The following RABGGTA variants were observed in gnomAD, a reference collection of about 807,000 sequenced individuals.
RABGGTA encodes Rab geranylgeranyltransferase subunit alpha, also known as geranylgeranyl transferase type-2 subunit alpha.
RABGGTA carries 69 observed loss-of-function variants against 83.3 expected under a neutral mutation model. That is an observed-to-expected ratio of 0.83 (90% CI 0.68 to 1.01). The LOEUF (loss-of-function observed/expected upper bound fraction) is 1.01, where lower values mean the gene tolerates loss of function less well. RABGGTA is among the 50% of genes least tolerant of loss of function. The probability of loss-of-function intolerance (pLI) is 0.00; values close to 1 mark genes in which losing one functional copy is unlikely to be tolerated. For synonymous variants in RABGGTA, 310 were observed against 299.8 expected, an observed-to-expected ratio of 1.03 and a Z score of -0.35; for missense variants, 681 against 712.7, an observed-to-expected ratio of 0.96 and a Z score of 0.51.
Position 24,265,551 on chromosome 14 carries a change from A to C in RABGGTA, c.*64T>G. 3.8e-6 allele frequency: 6 copies of C among 1,560,864 alleles called. No homozygotes were observed. The highest frequency in any genetic ancestry group is 5.2e-6 in the Non-Finnish European group (6 of 1,150,210). On this transcript the variant is annotated 3_prime_UTR_variant, in exon 17 of 17. Transcript: ENST00000216840. ...AGCGACAACAGCTTGGTAGCCTGAG[A>C]GGGCCTCTCCATTCTTTATTCAGTC...
At chr14:24,266,282 C>G in intron 16 of RABGGTA, 148 bp downstream of exon 16, 1 of 717,646 alleles carries the variant, frequency 1.4e-6, no homozygotes. Context: ...CCCGACAGCC[C>G]CAGGCTCTCC....
In RABGGTA at chr14:24,271,136, G is replaced by C. The variant is rs1160260731; in HGVS notation, c.-21C>G. On this transcript the variant is annotated 5_prime_UTR_variant, in exon 2 of 17. Coordinates refer to ENST00000216840, the MANE Select transcript of RABGGTA (RefSeq NM_182836.3). ...ACCATGGTGCCGGCTCAGGGTTCAA[G>C]ACAGGGGAAGGGTCCAGTGGTAGCC... is the stretch of plus-strand genomic sequence containing the variant. 6.5e-7 allele frequency: 1 copy of C among 1,536,932 alleles called. No homozygotes were observed.
chr14:24,267,559 A>G, intron 14 of RABGGTA, 101 bp downstream of exon 14: 1 of 867,936 alleles, frequency 1.2e-6, no homozygotes, highest in South Asian at 1.7e-5. Flanking sequence ...CTCTATCTTG[A>G]TTGGAAGTCC....
chr14:24,269,702 G>A lies in RABGGTA; in HGVS notation c.428-8C>T. 1 of 1,613,470 alleles carries A rather than the reference G, an allele frequency of 6.2e-7. No individual in the cohort carries two copies. The highest frequency in any genetic ancestry group is 8.5e-7 in the Non-Finnish European group (1 of 1,179,490). Reference sequence around the variant, plus strand: ...GATAGTCCCAGCAGTGAACTGGAGGGGAGAGGTGACAGCATATCTTAGAGG... The same window carrying A: ...GATAGTCCCAGCAGTGAACTGGAGGAGAGAGGTGACAGCATATCTTAGAGG... On this transcript the variant is annotated splice_region_variant and splice_polypyrimidine_tract_variant and intron_variant, in intron 5 of 16. Transcript: ENST00000216840.
Position 24,265,747 on chromosome 14 carries a change from T to G in RABGGTA, c.1572A>C (p.Ala524=). ...GGCAGGAGGCAAGAGGCTGGAGCACTGCAGGCTGCTGGAGGCCTTGTTCAG... is the reference window on the plus strand; with the variant it reads ...GGCAGGAGGCAAGAGGCTGGAGCACGGCAGGCTGCTGGAGGCCTTGTTCAG... ...LLCNNRLQQP[A]VLQPLASCPR... is the part of the protein sequence containing the mutation. Residue 524 remains alanine, a synonymous_variant, in exon 17 of 17, where the codon GCA becomes GCC. Transcript: ENST00000216840. The G allele has an allele frequency of 6.2e-7, 1 of 1,609,444 alleles. No homozygotes were observed. The highest frequency in any genetic ancestry group is 8.5e-7 in the Non-Finnish European group (1 of 1,178,110).
At chr14:24,266,399 C>G in intron 16 of RABGGTA, 31 bp downstream of exon 16, 6 of 1,607,376 alleles carry the variant, frequency 3.7e-6, no homozygotes, top group Non-Finnish European at 5.1e-6. Context: ...ACTTTACCCA[C>G]TGTCTGAAAG....
In RABGGTA at chr14:24,268,303, T is replaced by C. The variant is rs2040899358; in HGVS notation, c.1058+66A>G. 4 of 1,609,530 alleles carry C rather than the reference T, an allele frequency of 2.5e-6. No homozygotes were observed. In the African/African-American group the frequency reaches 4.0e-5, roughly 16 times the overall value. On this transcript the variant is annotated intron_variant, in intron 11 of 16. Coordinates refer to ENST00000216840, the MANE Select transcript of RABGGTA (RefSeq NM_182836.3). ...ACAGCTCCTTGAGGCCCCAGCCTCC[T>C]GCCCTGGCTGCCTGATGCCCAGAGT...
At chr14:24,269,769 C>A in intron 5 of RABGGTA, 75 bp from the exon 6 acceptor site, 1 of 1,511,834 alleles carries the variant, frequency 6.6e-7, no homozygotes, top group Non-Finnish European at 9.0e-7. Flanking sequence ...CTAGAGTCCC[C>A]TCAGGAACCC....
chr14:24,270,400 G>A lies in RABGGTA; in HGVS notation c.173C>T (p.Ala58Val). ...CCAGAGGGTGGCAAAATCAGGGTTG[G>A]CTCCCAGAATCTGGCTTGTCAGTTC... The part of the protein sequence containing the change: ...VLELTSQILG[A>V]NPDFATLWNC... The change falls in exon 4 of 17, where the codon GCC (alanine) becomes GTC (valine). Residue 58 changes from alanine (A) to valine (V), a missense_variant. Around this residue, in one of 5 missense-constraint regions of RABGGTA, gnomAD observed 115 missense variants for 111.5 expected, o/e 1.03. Coordinates refer to ENST00000216840, the MANE Select transcript of RABGGTA (RefSeq NM_182836.3). 6.2e-7 allele frequency: 1 copy of A among 1,614,012 alleles called. No individual in the cohort carries two copies. Among genetic ancestry groups the A allele is most frequent in the Non-Finnish European group, 8.5e-7 (1 of 1,179,888 alleles).
At position 24,266,458 on chromosome 14, in the gene RABGGTA, C is replaced by G. The variant is rs1441200884; in HGVS notation, c.1527G>C (p.Arg509=). 1 of 1,613,896 alleles carries G rather than the reference C, an allele frequency of 6.2e-7. No homozygotes were observed. The highest frequency in any genetic ancestry group is 1.3e-5 in the African/African-American group (1 of 74,922). The part of the protein sequence containing the change: ...ESLDGVTNLP[R]LQELLLCNNR... ...TGTTGCACAGTAGCAGCTCCTGCAG[C>G]CGGGGTAGGTTGGTGACGCCGTCCA... The change falls in exon 16 of 17, where the codon CGG becomes CGC. Residue 509 remains arginine (R), a synonymous_variant. Transcript: ENST00000216840.
intron 14 of RABGGTA, among the ~76,000 whole-genome samples, chr14:24,267,180 C>T (rs2040884751): frequency 6.6e-6 from 1 of 152,056 alleles, no homozygotes; most frequent in African/African-American, 2.4e-5. Context: ...AAAGACTGGT[C>T]CCCCATGGGG....
Position 24,268,601 on chromosome 14 carries a change from C to T in RABGGTA, c.919G>A (p.Ala307Thr). Residue 307 changes from alanine to threonine, a missense_variant, in exon 10 of 17, where the codon GCC (alanine) becomes ACC (threonine). Ala to Thr is a moderately conservative substitution (Grantham distance 58). Transcript: ENST00000216840. ...TGGGGCAACTGGTCGTTGAGGGAGGCAGCAGGCAGGTCACAGAGCTGGGAG... is the reference window on the plus strand; with the variant it reads ...TGGGGCAACTGGTCGTTGAGGGAGGTAGCAGGCAGGTCACAGAGCTGGGAG... ...SHVWLCDLPA[A>T]SLNDQLPQHT... The T allele has an allele frequency of 6.2e-7, 1 of 1,613,962 alleles. No homozygotes were observed. The highest frequency in any genetic ancestry group is 8.5e-7 in the Non-Finnish European group (1 of 1,179,868).
In RABGGTA at chr14:24,271,154, T is replaced by C; in HGVS notation, c.-39A>G. 2 of 1,518,150 alleles carry C rather than the reference T, an allele frequency of 1.3e-6. No homozygotes were observed. The highest frequency in any genetic ancestry group is 1.8e-6 in the Non-Finnish European group (2 of 1,134,396). The allele number at this position is 1,518,150 out of a possible 1,614,324, so 94.0% of individuals were successfully genotyped here. A position where few individuals can be genotyped will look rare whatever the true frequency, so the allele number is the denominator to read the frequency against. ...GGTTCAAGACAGGGGAAGGGTCCAG[T>C]GGTAGCCCTTGAAGTCTGAGGAGAG... is the stretch of plus-strand genomic sequence containing the variant. On this transcript the variant is annotated 5_prime_UTR_variant, in exon 2 of 17. Coordinates refer to ENST00000216840, the MANE Select transcript of RABGGTA (RefSeq NM_182836.3).
At position 24,267,850 on chromosome 14, in the gene RABGGTA, G is replaced by A; in HGVS notation, c.1236+20C>T. The A allele has an allele frequency of 6.2e-7, 1 of 1,612,742 alleles. No individual in the cohort carries two copies. The highest frequency in any genetic ancestry group is 8.5e-7 in the Non-Finnish European group (1 of 1,179,100). Reference sequence around the variant, plus strand: ...TGCCTGCTGGGCCTCCCCCTGGTCTGTTCTGCAGACAGAACTTGCCTTGAG... The same window carrying A: ...TGCCTGCTGGGCCTCCCCCTGGTCTATTCTGCAGACAGAACTTGCCTTGAG... On this transcript the variant is annotated intron_variant, in intron 13 of 16. Transcript: ENST00000216840.
At position 24,266,849 on chromosome 14, in the gene RABGGTA, A is replaced by T; in HGVS notation, c.1394T>A (p.Val465Asp). Residue 465 changes from valine to aspartate, a missense_variant, in exon 15 of 17, where the codon GTC (valine) becomes GAC (aspartate). Physicochemically the swap from Val to Asp is radical, Grantham distance 152. Coordinates refer to ENST00000216840, the MANE Select transcript of RABGGTA (RefSeq NM_182836.3). ...ATTGTGTGACAAGTCAAGATGGGTGACCAAGAGCAGCTGTTCCAGATGGCA... is the reference window on the plus strand; with the variant it reads ...ATTGTGTGACAAGTCAAGATGGGTGTCCAAGAGCAGCTGTTCCAGATGGCA... ...VLCHLEQLLL[V>D]THLDLSHNRL... 6.2e-7 allele frequency: 1 copy of T among 1,613,920 alleles called. No homozygotes were observed. The highest frequency in any genetic ancestry group is 8.5e-7 in the Non-Finnish European group (1 of 1,179,848).
Position 24,268,436 on chromosome 14 carries a change from G to A in RABGGTA, c.1007-16C>T, listed in dbSNP as rs1457149451. 4 of 1,613,824 alleles carry A rather than the reference G, an allele frequency of 2.5e-6. No individual in the cohort carries two copies. Among genetic ancestry groups the A allele is most frequent in the Non-Finnish European group, 2.5e-6 (3 of 1,179,902 alleles). ...TCCTGGCGGCCTGGGGAAAGAGTAG[G>A]TGGTTGGAGGGTGCACCCTTGAGAG... On this transcript the variant is annotated splice_polypyrimidine_tract_variant and intron_variant, in intron 10 of 16. Transcript: ENST00000216840.
chr14:24,269,371 G>A, intron 6 of RABGGTA, 120 bp downstream of exon 6: 1 of 1,257,410 alleles, frequency 8.0e-7, no homozygotes, highest in Non-Finnish European at 1.1e-6. Flanking sequence ...AGCACCCCTG[G>A]AGCCACGCAT....
Position 24,269,078 on chromosome 14 carries a change from A to T in RABGGTA, c.715+2T>A. ...CACCCAGCCCCTTTCCTCATTGCTC[A>T]CCTCGGCCTAGGAGCCAACGGTGAT... On this transcript the variant is annotated splice_donor_variant, in intron 7 of 16. Transcript: ENST00000216840. LOFTEE classifies it high-confidence loss of function. 6.2e-7 allele frequency: 1 copy of T among 1,605,522 alleles called. No homozygotes were observed. The highest frequency in any genetic ancestry group is 8.5e-7 in the Non-Finnish European group (1 of 1,175,864).
Position 24,265,783 on chromosome 14 carries a change from G to T in RABGGTA, c.1556-20C>A. ...GGAGGCCTTGTTCAGGAGAGTCAAGGAAAGCTTGGCAGGTTCCTCCCAATT... is the reference window on the plus strand; with the variant it reads ...GGAGGCCTTGTTCAGGAGAGTCAAGTAAAGCTTGGCAGGTTCCTCCCAATT... On this transcript the variant is annotated intron_variant, in intron 16 of 16. Coordinates refer to ENST00000216840, the MANE Select transcript of RABGGTA (RefSeq NM_182836.3). 2 of 1,589,716 alleles carry T rather than the reference G, an allele frequency of 1.3e-6. No homozygotes were observed. The highest frequency in any genetic ancestry group is 1.1e-5 in the South Asian group (1 of 88,396).
Sources: gnomAD v4.1 joint callset for allele counts (sites outside exome capture counted in the v4.1 genomes callset) on GRCh38, gnomAD v4.1.1 for gene constraint, gnomAD v4.1.1 regional missense constraint, MANE v1.5 for transcripts, NCBI Gene and HGNC (gene_info 2026-07-23, HGNC 2026-07-21) for gene names.